The following TMEM217 variants were observed in gnomAD, a reference collection of about 807,000 sequenced individuals.
The protein encoded by TMEM217 is transmembrane protein 217.
For missense variants in TMEM217, 204 were observed against 248.8 expected (o/e 0.82, Z 1.21); for synonymous variants, 76 against 88.3 (o/e 0.86, Z 0.78).
At chr6:37,221,867 A>G (rs959976302) in intron 1 of TMEM217, among the ~76,000 whole-genome samples, 10 of 152,224 alleles carry the variant, frequency 6.6e-5, no homozygotes, top group Admixed American at 1.3e-4. Context: ...AGTCATGCTA[A>G]TATCTGCTGT....
intron 1 of TMEM217, among the ~76,000 whole-genome samples, chr6:37,233,420 G>T (rs1417679948): frequency 6.6e-6 from 1 of 152,200 alleles, no homozygotes; most frequent in African/African-American, 2.4e-5. Flanking sequence ...AGAAGTCCAA[G>T]ATTAAGGCAC....
downstream of TMEM217, chr6:37,217,555 A>T: frequency 2.4e-6 from 2 of 825,678 alleles, no homozygotes; most frequent in Non-Finnish European, 2.9e-6. Context: ...AAGTATGTTT[A>T]ACATATATCT....
At chr6:37,230,828 G>A (rs752722980) in intron 1 of TMEM217, among the ~76,000 whole-genome samples, 2 of 152,038 alleles carry the variant, frequency 1.3e-5, no homozygotes, top group African/African-American at 2.4e-5. Flanking sequence ...TGGGTAAATT[G>A]CCTCTCTACC....
downstream of TMEM217, among the ~76,000 whole-genome samples, chr6:37,214,254 G>A (rs1056917278): frequency 7.9e-5 from 12 of 152,106 alleles, no homozygotes; most frequent in African/African-American, 2.9e-4. Flanking sequence ...TTTCGACAGA[G>A]TCTTGCTCTG....
chr6:37,239,549 T>A (rs1764657566), intron 1 of TMEM217, among the ~76,000 whole-genome samples: 1 of 152,060 alleles, frequency 6.6e-6, no homozygotes, highest in Non-Finnish European at 1.5e-5. Context: ...TGAAGCATAG[T>A]GTAATTAATG....
intron 1 of TMEM217, among the ~76,000 whole-genome samples, chr6:37,229,349 T>TTTTG (rs928465866): frequency 3.0e-5 from 4 of 134,792 alleles, no homozygotes; most frequent in Non-Finnish European, 4.8e-5. Context: ...TTTTTTTTTT[T>TTTTG]TTTTTTTTTT....
chr6:37,232,486 C>T (rs1012197650), intron 1 of TMEM217, among the ~76,000 whole-genome samples: 3 of 152,256 alleles, frequency 2.0e-5, no homozygotes, highest in East Asian at 1.9e-4. Flanking sequence ...CCGGGGTTCA[C>T]GCCATTCTCC....
At chr6:37,212,462 A>T in exon 4 of TMEM217, 1 of 449,268 alleles carries the variant, frequency 2.2e-6, no homozygotes, top group Non-Finnish European at 4.5e-6. Context: ...GGTAGTCATG[A>T]GTTCACTGCA....
chr6:37,256,609 C>A (rs1360154688), intron 1 of TMEM217, among the ~76,000 whole-genome samples: 1 of 152,098 alleles, frequency 6.6e-6, no homozygotes, highest in Admixed American at 6.5e-5. Context: ...ACAAAAGAAG[C>A]TTGAAAATGG....
intron 1 of TMEM217, among the ~76,000 whole-genome samples, chr6:37,232,578 A>G (rs1191120733): frequency 4.7e-5 from 4 of 84,938 alleles, no homozygotes; most frequent in Non-Finnish European, 1.0e-4. Context: ...GGGAAATCCT[A>G]CTACCCTTCT....
exon 2 of TMEM217, chr6:37,218,912 C>G (rs778420311): frequency 1.2e-6 from 2 of 1,614,160 alleles, no homozygotes. Context: ...AGTGCAACTG[C>G]CATTCCCTAG....
chr6:37,243,796 G>T (rs1421409218), intron 1 of TMEM217, among the ~76,000 whole-genome samples: 3 of 152,156 alleles, frequency 2.0e-5, no homozygotes, highest in African/African-American at 7.2e-5. Context: ...GTGAGCAGAG[G>T]ACTAGGGAAT....
At chr6:37,250,117 C>CT (rs1315404435) in intron 1 of TMEM217, among the ~76,000 whole-genome samples, 1 of 152,130 alleles carries the variant, frequency 6.6e-6, no homozygotes, top group Non-Finnish European at 1.5e-5. Flanking sequence ...ATATCAAAAT[C>CT]ATACTATTGT....
intron 1 of TMEM217, among the ~76,000 whole-genome samples, chr6:37,245,169 A>G (rs753586899): frequency 1.3e-5 from 2 of 152,226 alleles, no homozygotes; most frequent in Non-Finnish European, 2.9e-5. Context: ...AAGAATTAAG[A>G]TCGTGAATGC....
At chr6:37,231,119 G>A (rs866764331) in intron 1 of TMEM217, among the ~76,000 whole-genome samples, 8 of 151,604 alleles carry the variant, frequency 5.3e-5, no homozygotes, top group African/African-American at 1.2e-4. Context: ...GAGTGCAGGC[G>A]CATGATCTCT....
chr6:37,221,025 T>C (rs1393226390), intron 1 of TMEM217, among the ~76,000 whole-genome samples: 1 of 152,176 alleles, frequency 6.6e-6, no homozygotes, highest in Non-Finnish European at 1.5e-5. Context: ...TATATTCATT[T>C]TGTTGTACAA....
chr6:37,217,299 T>TA (rs1255635398), downstream of TMEM217, among the ~76,000 whole-genome samples: 1 of 152,090 alleles, frequency 6.6e-6, no homozygotes, highest in Non-Finnish European at 1.5e-5. Flanking sequence ...GTCTCAAAAA[T>TA]AAAAAATGTG....
chr6:37,217,538 G>T, downstream of TMEM217: 1 of 708,266 alleles, frequency 1.4e-6, no homozygotes, highest in Non-Finnish European at 1.7e-6. Context: ...CACAGCAACA[G>T]ATACAGAAGT....
exon 1 of TMEM217, chr6:37,257,904 C>T: frequency 1.2e-6 from 2 of 1,613,128 alleles, no homozygotes; most frequent in Non-Finnish European, 1.7e-6. Flanking sequence ...CAAGGACTTC[C>T]CCCGGCCAGA....
Sources: gnomAD v4.1 joint callset for allele counts (sites outside exome capture counted in the v4.1 genomes callset) on GRCh38, gnomAD v4.1.1 for gene constraint, MANE v1.5 for transcripts, NCBI Gene and HGNC (gene_info 2026-07-23, HGNC 2026-07-21) for gene names.